Variants in XKR9 observed in about 807,000 individuals in gnomAD.
XKR9 encodes the protein XK related 9, also known as XK-related protein 9.
XKR9 carries 32 observed loss-of-function variants against 32.0 expected under a neutral mutation model. The ratio of observed to expected loss-of-function variants is 1.00; its 90% CI spans 0.76 to 1.34. The LOEUF (loss-of-function observed/expected upper bound fraction) is 1.34, where lower values mean the gene tolerates loss of function less well. Ranked by LOEUF, XKR9 falls within the 40% of genes most tolerant of loss-of-function variation. The pLI is 0.00. For synonymous variants in XKR9, 168 were observed against 143.4 expected (o/e 1.17, Z -1.22); for missense variants, 546 against 429.7 (o/e 1.27, Z -2.39).
At chr8:70,919,561 T>C in the XKR9 span, among the ~76,000 whole-genome samples, 1 of 152,202 alleles carries the variant, frequency 6.6e-6, no homozygotes, top group Non-Finnish European at 1.5e-5. Flanking sequence ...CTTTAACAAC[T>C]GGGAAGGGTG....
intron 2 of XKR9, among the ~76,000 whole-genome samples, chr8:70,752,493 A>G (rs982635883): frequency 6.6e-6 from 1 of 152,144 alleles, no homozygotes; most frequent in Non-Finnish European, 1.5e-5. Flanking sequence ...GCCTCACTTT[A>G]CAGTCCACTC....
chr8:70,852,694 T>C, the XKR9 span, among the ~76,000 whole-genome samples: 1 of 152,296 alleles, frequency 6.6e-6, no homozygotes, highest in Non-Finnish European at 1.5e-5. Flanking sequence ...TCATGTTTTT[T>C]TCAGGGACGT....
At chr8:71,025,298 G>A in the XKR9 span, among the ~76,000 whole-genome samples, 1 of 152,188 alleles carries the variant, frequency 6.6e-6, no homozygotes, top group Non-Finnish European at 1.5e-5. Context: ...TAGTTCACTG[G>A]TGAATGCTAA....
chr8:70,942,774 G>A, the XKR9 span, among the ~76,000 whole-genome samples: 10 of 152,104 alleles, frequency 6.6e-5, no homozygotes, highest in East Asian at 3.9e-4. Context: ...TAATGTACAC[G>A]GTACACAGAG....
At chr8:71,038,558 A>T in the XKR9 span, among the ~76,000 whole-genome samples, 1 of 150,736 alleles carries the variant, frequency 6.6e-6, no homozygotes, top group Non-Finnish European at 1.5e-5. Flanking sequence ...TGACCTCGTG[A>T]TCACCCACCT....
chr8:70,779,695 G>T (rs1807588695), intron 2 of XKR9, among the ~76,000 whole-genome samples: 1 of 152,096 alleles, frequency 6.6e-6, no homozygotes, highest in Admixed American at 6.6e-5. Context: ...GGGTGTGTGT[G>T]TCCAGGAATT....
intron 4 of XKR9, among the ~76,000 whole-genome samples, chr8:70,708,200 G>C (rs1032482509): frequency 6.6e-6 from 1 of 151,954 alleles, no homozygotes; most frequent in Non-Finnish European, 1.5e-5. Flanking sequence ...CATGGATTGG[G>C]TTCTATATGA....
chr8:70,844,880 A>G, the XKR9 span, among the ~76,000 whole-genome samples: 2 of 152,150 alleles, frequency 1.3e-5, no homozygotes, highest in African/African-American at 2.4e-5. Context: ...GCCATCACCC[A>G]TGCTCCACAT....
At chr8:70,817,805 G>A in the XKR9 span, among the ~76,000 whole-genome samples, 3 of 152,068 alleles carry the variant, frequency 2.0e-5, no homozygotes, top group Non-Finnish European at 2.9e-5. Flanking sequence ...CAGAAATAAA[G>A]CTGTACACCT....
chr8:71,045,940 T>C, the XKR9 span, among the ~76,000 whole-genome samples: 1 of 151,844 alleles, frequency 6.6e-6, no homozygotes, highest in South Asian at 2.1e-4. Context: ...CGGGAGGAGA[T>C]GGATTGGGAG....
At chr8:70,704,107 G>A (rs567417130) in intron 3 of XKR9, among the ~76,000 whole-genome samples, 5 of 152,188 alleles carry the variant, frequency 3.3e-5, no homozygotes, top group East Asian at 1.9e-4. Flanking sequence ...GTGTGAACCC[G>A]GGAGGTGGAG....
At chr8:70,999,963 TA>T in the XKR9 span, among the ~76,000 whole-genome samples, 934 of 152,338 alleles carry the variant, frequency 6.1e-3, 10 homozygotes, top group African/African-American at 0.021. Flanking sequence ...AGATATCTTT[TA>T]AAATGAATCA....
chr8:71,019,339 A>C, the XKR9 span, among the ~76,000 whole-genome samples: 3 of 152,242 alleles, frequency 2.0e-5, no homozygotes, highest in African/African-American at 7.2e-5. Flanking sequence ...CAGTAAGGAA[A>C]TCTAGTTCTT....
At chr8:70,989,453 GTTC>G in the XKR9 span, among the ~76,000 whole-genome samples, 5 of 152,140 alleles carry the variant, frequency 3.3e-5, no homozygotes, top group East Asian at 9.6e-4. Context: ...ATGCTATTTT[GTTC>G]TTCTTAAACC....
chr8:70,782,317 A>G (rs1009144368), intron 2 of XKR9, among the ~76,000 whole-genome samples: 53 of 152,322 alleles, frequency 3.5e-4, no homozygotes, highest in African/African-American at 1.3e-3. Flanking sequence ...TGGAATAAAA[A>G]GTGATATTAC....
chr8:70,871,899 A>ATTCTAG, the XKR9 span, among the ~76,000 whole-genome samples: 1 of 152,200 alleles, frequency 6.6e-6, no homozygotes, highest in Non-Finnish European at 1.5e-5. Flanking sequence ...CTAGTTCCAT[A>ATTCTAG]TTCTAGTTCT....
the XKR9 span, among the ~76,000 whole-genome samples, chr8:70,918,369 T>C: frequency 1.2e-4 from 19 of 152,140 alleles, no homozygotes; most frequent in African/African-American, 4.3e-4. Context: ...GAAGGAGAGC[T>C]TCTGTTTTTA....
At chr8:71,005,769 GC>G in the XKR9 span, among the ~76,000 whole-genome samples, 2 of 152,204 alleles carry the variant, frequency 1.3e-5, no homozygotes, top group African/African-American at 4.8e-5. Context: ...TTCAGCATCA[GC>G]CCTCTAATAG....
At chr8:70,885,888 G>A in the XKR9 span, among the ~76,000 whole-genome samples, 5,357 of 151,616 alleles carry the variant, frequency 0.035, 145 homozygotes, top group South Asian at 0.079. Context: ...GAGCCATTGC[G>A]CCCGGACTTT....
Sources: gnomAD v4.1 joint callset for allele counts (sites outside exome capture counted in the v4.1 genomes callset) on GRCh38, gnomAD v4.1.1 for gene constraint, MANE v1.5 for transcripts, NCBI Gene and HGNC (gene_info 2026-07-23, HGNC 2026-07-21) for gene names.